Variants in PPP2R5E observed in about 807,000 individuals in gnomAD.
PPP2R5E encodes the protein serine/threonine-protein phosphatase 2A 56 kDa regulatory subunit epsilon isoform.
A neutral mutation model predicts 65.3 loss-of-function variants in PPP2R5E; 4 were observed. The ratio of observed to expected loss-of-function variants is 0.06; its 90% CI spans 0.03 to 0.14. The LOEUF is 0.14. Among genes scored for constraint, PPP2R5E ranks in the 10% least tolerant of loss-of-function variants. The probability of loss-of-function intolerance (pLI) is 1.00; values close to 1 mark genes in which losing one functional copy is unlikely to be tolerated. For synonymous variants in PPP2R5E, 183 were observed against 187.4 expected (o/e 0.98, Z 0.19); for missense variants, 274 against 556.1 (o/e 0.49, Z 5.10).
intron 3 of PPP2R5E, among the ~76,000 whole-genome samples, chr14:63,430,409 A>G (rs867240148): frequency 4.4e-4 from 63 of 143,908 alleles, no homozygotes; most frequent in African/African-American, 1.0e-3. Flanking sequence ...ATGCATACAT[A>G]CATACATACA....
In PPP2R5E at chr14:63,398,991, T is replaced by C. The variant is rs565375319; in HGVS notation, c.550-2275A>G. ...CCTTAAATCTCCCACAGAGTTACTATATGACTAAGCGATTCCACTTTCATG... is the reference window on the plus strand; with the variant it reads ...CCTTAAATCTCCCACAGAGTTACTACATGACTAAGCGATTCCACTTTCATG... On this transcript the variant is annotated intron_variant, in intron 5 of 13. Transcript: ENST00000337537. Among the ~76,000 whole-genome samples the C allele has an allele frequency of 1.3e-4, 20 of 152,344 alleles. No individual in the cohort carries two copies. In the South Asian group the frequency reaches 3.5e-3, roughly 27 times the overall value.
chr14:63,517,855 C>A (rs768403547), intron 2 of PPP2R5E, among the ~76,000 whole-genome samples: 1 of 152,202 alleles, frequency 6.6e-6, no homozygotes, highest in Non-Finnish European at 1.5e-5. Flanking sequence ...CTTGCATTCT[C>A]ATTTAATGAA....
chr14:63,397,352 A>T (rs1423672759), intron 5 of PPP2R5E, among the ~76,000 whole-genome samples: 3 of 152,028 alleles, frequency 2.0e-5, no homozygotes, highest in African/African-American at 7.2e-5. Flanking sequence ...AAATACAAAA[A>T]TTAGCCAGGT....
At chr14:63,496,087 T>C (rs1056856417) in intron 2 of PPP2R5E, among the ~76,000 whole-genome samples, 20 of 152,192 alleles carry the variant, frequency 1.3e-4, no homozygotes, top group African/African-American at 3.9e-4. Flanking sequence ...AAGATTTTTT[T>C]TGTTAAATAT....
At chr14:63,411,577 G>A (rs536588180) in intron 5 of PPP2R5E, among the ~76,000 whole-genome samples, 1 of 148,852 alleles carries the variant, frequency 6.7e-6, no homozygotes, top group African/African-American at 2.5e-5. Context: ...ATGGAGGTGG[G>A]TCCCTCATGA....
At chr14:63,400,272 A>C (rs2139814836) in intron 5 of PPP2R5E, among the ~76,000 whole-genome samples, 1 of 152,342 alleles carries the variant, frequency 6.6e-6, no homozygotes, top group Admixed American at 6.5e-5. Flanking sequence ...AATACAAACA[A>C]GTAAATAAAC....
intron 3 of PPP2R5E, among the ~76,000 whole-genome samples, chr14:63,436,184 C>T (rs1594872497): frequency 6.6e-6 from 1 of 152,188 alleles, no homozygotes; most frequent in African/African-American, 2.4e-5. Context: ...CCACAGTGCA[C>T]AAGTTGATAA....
At chr14:63,505,835 T>A (rs1892144170) in intron 2 of PPP2R5E, among the ~76,000 whole-genome samples, 1 of 152,160 alleles carries the variant, frequency 6.6e-6, no homozygotes, top group Non-Finnish European at 1.5e-5. Flanking sequence ...TCCCAAGGTA[T>A]CACTGGGTGA....
At position 63,375,332 on chromosome 14, in the gene PPP2R5E, C is replaced by G. The variant is rs1362200552; in HGVS notation, c.*677G>C. Reference sequence around the variant, plus strand: ...ATGCATGAATCCGATATTCCCTTCCCTACTATGTTTATCACCTCTTCTCTC... The same window carrying G: ...ATGCATGAATCCGATATTCCCTTCCGTACTATGTTTATCACCTCTTCTCTC... On this transcript the variant is annotated 3_prime_UTR_variant, in exon 14 of 14. Coordinates refer to ENST00000337537, the MANE Select transcript of PPP2R5E (RefSeq NM_006246.5). 1 of 152,580 alleles carries G rather than the reference C, an allele frequency of 6.6e-6. No individual in the cohort carries two copies. Among genetic ancestry groups the G allele is most frequent in the East Asian group, 1.9e-4 (1 of 5,200 alleles). The allele number at this position is 152,580 out of a possible 1,614,324, so 9.5% of individuals were successfully genotyped here.
At position 63,374,900 on chromosome 14, in the gene PPP2R5E, G is replaced by A. The variant is rs559763450; in HGVS notation, c.*1109C>T. On this transcript the variant is annotated 3_prime_UTR_variant, in exon 14 of 14. Transcript: ENST00000337537. ...ATAATGTTTATCCTGAATCCTTTCC[G>A]GCTAAAAACAGGGCTGGCGCTGTGA... is the stretch of plus-strand genomic sequence containing the variant. 27 of 152,076 alleles carry A rather than the reference G, an allele frequency of 1.8e-4. No homozygotes were observed. The highest frequency in any genetic ancestry group is 1.1e-3 in the Admixed American group (17 of 15,244). The allele number at this position is 152,076 out of a possible 1,614,324, so 9.4% of individuals were successfully genotyped here. A position where few individuals can be genotyped will look rare whatever the true frequency, so the allele number is the denominator to read the frequency against.
chr14:63,533,719 G>A (rs575779085), intron 2 of PPP2R5E, among the ~76,000 whole-genome samples: 37 of 152,082 alleles, frequency 2.4e-4, no homozygotes, highest in African/African-American at 8.7e-4. Flanking sequence ...CTAGGCAGGC[G>A]GACGCACCTG....
At chr14:63,490,823 G>A (rs1396464013) in intron 2 of PPP2R5E, among the ~76,000 whole-genome samples, 1 of 152,052 alleles carries the variant, frequency 6.6e-6, no homozygotes, top group Non-Finnish European at 1.5e-5. Flanking sequence ...TAAGCAGTTT[G>A]GAGATTTCTC....
intron 2 of PPP2R5E, among the ~76,000 whole-genome samples, chr14:63,472,478 G>A (rs1372653956): frequency 6.6e-6 from 1 of 152,184 alleles, no homozygotes; most frequent in African/African-American, 2.4e-5. Flanking sequence ...CAGAAGTTTG[G>A]TTGTTTCATT....
intron 2 of PPP2R5E, among the ~76,000 whole-genome samples, chr14:63,464,334 G>A (rs1889667778): frequency 6.6e-6 from 1 of 152,168 alleles, no homozygotes; most frequent in African/African-American, 2.4e-5. Flanking sequence ...GGGGTTGAAG[G>A]GTACAATGTT....
At chr14:63,539,411 T>C (rs1893796347) in intron 2 of PPP2R5E, 118 bp downstream of exon 2, 3 of 1,081,904 alleles carry the variant, frequency 2.8e-6, no homozygotes, top group Non-Finnish European at 3.9e-6. Context: ...CTTCAATGTA[T>C]GTGAAGTATC....
intron 1 of PPP2R5E, among the ~76,000 whole-genome samples, chr14:63,541,981 G>A (rs770774264): frequency 2.0e-4 from 30 of 152,102 alleles, no homozygotes; most frequent in Non-Finnish European, 3.7e-4. Flanking sequence ...TTATTTGTAC[G>A]TTGTAAATTT....
chr14:63,434,411 T>G (rs1299864101), intron 3 of PPP2R5E, among the ~76,000 whole-genome samples: 1 of 152,140 alleles, frequency 6.6e-6, no homozygotes, highest in Admixed American at 6.5e-5. Flanking sequence ...GAATACTGAA[T>G]GCAAAATTCA....
intron 3 of PPP2R5E, among the ~76,000 whole-genome samples, chr14:63,439,295 G>C (rs1271391891): frequency 2.6e-5 from 4 of 151,656 alleles, no homozygotes; most frequent in African/African-American, 9.7e-5. Flanking sequence ...CAAGCTTAGA[G>C]GGATGAGACT....
intron 3 of PPP2R5E, 63 bp downstream of exon 3, chr14:63,453,626 A>G (rs536351220): frequency 6.6e-7 from 1 of 1,514,644 alleles, no homozygotes; most frequent in South Asian, 1.2e-5. Context: ...CTTGCAATAT[A>G]TACACCTGTG....
Sources: allele counts gnomAD v4.1 joint callset (sites outside exome capture counted in the v4.1 genomes callset), GRCh38; gene constraint gnomAD v4.1.1; transcripts MANE v1.5; gene names NCBI Gene and HGNC (gene_info 2026-07-23, HGNC 2026-07-21).